The following RAB7A variants were observed in gnomAD, a reference collection of about 807,000 sequenced individuals.
The protein encoded by RAB7A is ras-related protein Rab-7a.
RAB7A carries 2 observed loss-of-function variants against 24.5 expected under a neutral mutation model. The ratio of observed to expected loss-of-function variants is 0.08; its 90% CI spans 0.03 to 0.26. The LOEUF (loss-of-function observed/expected upper bound fraction) is 0.26. Ranked by LOEUF, RAB7A falls within the 10% of genes least tolerant of loss-of-function variation. RAB7A has a pLI of 1.00. For missense variants in RAB7A, 118 were observed against 255.7 expected (o/e 0.46, Z 3.67); for synonymous variants, 100 against 95.9 (o/e 1.04, Z -0.25).
At chr3:128,784,946 ATT>A (rs11287809) in intron 1 of RAB7A, among the ~76,000 whole-genome samples, 5,532 of 135,208 alleles carry the variant, frequency 0.041, 186 homozygotes, top group South Asian at 0.14. Context: ...TCATGGCATG[ATT>A]TTTTTTTTTT....
chr3:128,746,232 C>T (rs2070613366), intron 1 of RAB7A, among the ~76,000 whole-genome samples: 1 of 152,172 alleles, frequency 6.6e-6, no homozygotes, highest in Non-Finnish European at 1.5e-5. Flanking sequence ...TCAGTCTACT[C>T]TCTACTTCTG....
chr3:128,775,826 A>G (rs965127670), intron 1 of RAB7A, among the ~76,000 whole-genome samples: 1 of 152,176 alleles, frequency 6.6e-6, no homozygotes, highest in Non-Finnish European at 1.5e-5. Context: ...GTTTTGAAAT[A>G]TATATACACA....
intron 5 of RAB7A, among the ~76,000 whole-genome samples, chr3:128,809,914 G>A (rs888401220): frequency 2.3e-5 from 3 of 129,186 alleles, no homozygotes; most frequent in Non-Finnish European, 5.0e-5. Context: ...GCCTGATGAG[G>A]CAAGTTTCCT....
At chr3:128,802,899 G>A (rs955650356) in intron 3 of RAB7A, among the ~76,000 whole-genome samples, 62 of 151,968 alleles carry the variant, frequency 4.1e-4, no homozygotes, top group Non-Finnish European at 8.1e-4. Flanking sequence ...CTGCCTCCCC[G>A]ATTCAGGCAA....
chr3:128,738,073 C>G (rs905322832), intron 1 of RAB7A, among the ~76,000 whole-genome samples: 1 of 151,804 alleles, frequency 6.6e-6, no homozygotes, highest in Non-Finnish European at 1.5e-5. Context: ...CTCACTGTTG[C>G]CCAGGCTGGA....
At chr3:128,797,789 G>A (rs1933607286) in intron 2 of RAB7A, among the ~76,000 whole-genome samples, 154 bp from the exon 3 acceptor site, 1 of 152,238 alleles carries the variant, frequency 6.6e-6, no homozygotes. Context: ...CTTCAAAAGT[G>A]TAATGCTCGG....
chr3:128,761,733 T>C (rs775537163), intron 1 of RAB7A, among the ~76,000 whole-genome samples: 1 of 152,244 alleles, frequency 6.6e-6, no homozygotes, highest in Non-Finnish European at 1.5e-5. Context: ...AATCCTGTTT[T>C]GAAAATTGGA....
intron 1 of RAB7A, among the ~76,000 whole-genome samples, chr3:128,731,748 C>T (rs1385366696): frequency 6.6e-6 from 1 of 152,148 alleles, no homozygotes; most frequent in Non-Finnish European, 1.5e-5. Flanking sequence ...TGGCTCACAC[C>T]TGTAATCCCA....
intron 1 of RAB7A, among the ~76,000 whole-genome samples, chr3:128,732,436 A>G (rs1306390002): frequency 6.6e-6 from 1 of 152,130 alleles, no homozygotes; most frequent in African/African-American, 2.4e-5. Context: ...TAAAGAAGGA[A>G]AATTTGTGAT....
chr3:128,768,336 A>G (rs1461065078), intron 1 of RAB7A, among the ~76,000 whole-genome samples: 2 of 152,062 alleles, frequency 1.3e-5, no homozygotes, highest in African/African-American at 2.4e-5. Context: ...GTTGATGGAC[A>G]TTTGGGTTGA....
intron 1 of RAB7A, among the ~76,000 whole-genome samples, chr3:128,763,458 C>T (rs1158387510): frequency 2.6e-5 from 4 of 151,966 alleles, no homozygotes; most frequent in African/African-American, 9.7e-5. Context: ...ATTTTGTGAT[C>T]CGCCTGTCTT....
chr3:128,751,623 AG>A, intron 1 of RAB7A, among the ~76,000 whole-genome samples: 1 of 152,338 alleles, frequency 6.6e-6, no homozygotes, highest in East Asian at 1.9e-4. Context: ...TATAAGCAGA[AG>A]GGACTTGCCT....
At chr3:128,743,425 G>A (rs2070576292) in intron 1 of RAB7A, among the ~76,000 whole-genome samples, 1 of 152,254 alleles carries the variant, frequency 6.6e-6, no homozygotes, top group African/African-American at 2.4e-5. Flanking sequence ...CAGACGCCGA[G>A]GCCGAGGAGG....
chr3:128,776,047 C>A (rs1933080056), intron 1 of RAB7A, among the ~76,000 whole-genome samples: 1 of 152,100 alleles, frequency 6.6e-6, no homozygotes, highest in Admixed American at 6.5e-5. Context: ...CCCCAGTCAC[C>A]CTACCCTCAG....
chr3:128,754,501 A>G (rs2070713360), intron 1 of RAB7A, among the ~76,000 whole-genome samples: 1 of 152,246 alleles, frequency 6.6e-6, no homozygotes, highest in African/African-American at 2.4e-5. Context: ...AATGCAGGAA[A>G]TAGGGGACAA....
At chr3:128,733,265 T>C (rs35904610) in intron 1 of RAB7A, among the ~76,000 whole-genome samples, 10,721 of 152,222 alleles carry the variant, frequency 0.07, 546 homozygotes, top group South Asian at 0.16. Flanking sequence ...TAGACTAATT[T>C]TGCCTGATTT....
chr3:128,732,171 C>T (rs1369813274), intron 1 of RAB7A, among the ~76,000 whole-genome samples: 1 of 151,030 alleles, frequency 6.6e-6, no homozygotes, highest in Non-Finnish European at 1.5e-5. Context: ...TCCTGAGTAG[C>T]TGGGGCTACA....
intron 1 of RAB7A, among the ~76,000 whole-genome samples, chr3:128,794,989 T>A (rs1057515185): frequency 6.6e-6 from 1 of 151,946 alleles, no homozygotes; most frequent in South Asian, 2.1e-4. Flanking sequence ...AATAAAGCGG[T>A]CACTTCTTTG....
chr3:128,737,732 C>T (rs867348382), intron 1 of RAB7A, among the ~76,000 whole-genome samples: 18 of 150,974 alleles, frequency 1.2e-4, no homozygotes, highest in Middle Eastern at 3.4e-3. Flanking sequence ...ACCGCAGCCA[C>T]GCCCTCCCCA....
Sources: allele counts gnomAD v4.1 joint callset (sites outside exome capture counted in the v4.1 genomes callset), GRCh38; gene constraint gnomAD v4.1.1; transcripts MANE v1.5; gene names NCBI Gene and HGNC (gene_info 2026-07-23, HGNC 2026-07-21).